The following PTPRG variants were observed in gnomAD, a reference collection of about 807,000 sequenced individuals.
PTPRG encodes the protein protein tyrosine phosphatase receptor type G.
In PTPRG, 102 loss-of-function variants were observed where a neutral mutation model predicts 165.3. The ratio of observed to expected loss-of-function variants is 0.62; its 90% CI spans 0.53 to 0.73. PTPRG has a LOEUF of 0.73. Ranked by LOEUF, PTPRG falls within the 30% of genes least tolerant of loss-of-function variation. The pLI is 0.00. For synonymous variants in PTPRG, 675 were observed against 669.5 expected (o/e 1.01, Z -0.13); for missense variants, 1,866 against 1,861.4 (o/e 1.00, Z -0.05).
Position 61,738,317 on chromosome 3 carries a change from T to TATAC in PTPRG, c.86-10558_86-10557insCATA, listed in dbSNP as rs1647441656. 3.8e-5 allele frequency among the ~76,000 whole-genome samples: 4 copies of TATAC among 104,874 alleles called. No individual in the cohort carries two copies. The South Asian group carries it at 1.3e-3, about 33-fold the overall frequency. 68.8% of individuals were successfully genotyped at this position (104,874 alleles called of 152,430 possible). A position where few individuals can be genotyped will look rare whatever the true frequency, so the allele number is the denominator to read the frequency against. ...ATATATATATATATATATATACATA[T>TATAC]ATATATATATATATATATATGTATA... On this transcript the variant is annotated intron_variant, in intron 1 of 29. Coordinates refer to ENST00000474889, the MANE Select transcript of PTPRG (RefSeq NM_002841.4).
At chr3:61,790,589 A>T (rs1295104074) in intron 2 of PTPRG, among the ~76,000 whole-genome samples, 1 of 152,222 alleles carries the variant, frequency 6.6e-6, no homozygotes. Context: ...TTATAGATGT[A>T]TACTTTCCCT....
At chr3:62,108,409 G>A (rs1276804477) in intron 5 of PTPRG, among the ~76,000 whole-genome samples, 1 of 152,196 alleles carries the variant, frequency 6.6e-6, no homozygotes, top group Non-Finnish European at 1.5e-5. Context: ...ATTCCATGGT[G>A]TATATGTACC....
intron 7 of PTPRG, among the ~76,000 whole-genome samples, chr3:62,163,119 C>T (rs567136735): frequency 3.5e-4 from 53 of 152,204 alleles, no homozygotes; most frequent in Non-Finnish European, 6.9e-4. Context: ...CTCACTGTCA[C>T]GGGAACAGCA....
At chr3:61,635,985 C>T (rs116298807) in intron 1 of PTPRG, among the ~76,000 whole-genome samples, 1 of 152,212 alleles carries the variant, frequency 6.6e-6, no homozygotes, top group African/African-American at 2.4e-5. Context: ...GTTAGATAGC[C>T]TCTGCTTGAA....
In PTPRG at chr3:61,781,936, TC is replaced by T. The variant is rs373681282; in HGVS notation, c.190+32957del. Among the ~76,000 whole-genome samples, 235 of 151,470 alleles carry T rather than the reference TC, an allele frequency of 1.6e-3. 1 individual carries two copies. Among genetic ancestry groups the T allele is most frequent in the African/African-American group, 4.4e-3 (180 of 41,268 alleles). ...GGTAGAGATGGGATACTACTATGTT[TC>T]CCAGGGTGGTCTTGAACTCCTGGGC... On this transcript the variant is annotated intron_variant, in intron 2 of 29. Transcript: ENST00000474889.
intron 21 of PTPRG, among the ~76,000 whole-genome samples, chr3:62,272,440 T>G (rs1258633843): frequency 6.6e-6 from 1 of 152,236 alleles, no homozygotes; most frequent in East Asian, 1.9e-4. Flanking sequence ...GAAAATGCAT[T>G]CTTGCCTCTT....
chr3:62,178,327 G>A (rs1216684129), intron 8 of PTPRG, among the ~76,000 whole-genome samples: 1 of 152,176 alleles, frequency 6.6e-6, no homozygotes, highest in Non-Finnish European at 1.5e-5. Flanking sequence ...TACATATCAG[G>A]TGGCCAGGAA....
intron 1 of PTPRG, among the ~76,000 whole-genome samples, chr3:61,614,418 CTTTT>C (rs550755163): frequency 8.5e-6 from 1 of 117,692 alleles, no homozygotes; most frequent in Non-Finnish European, 1.6e-5. Context: ...TTAATAATAC[CTTTT>C]TTTTTTTTTT....
At chr3:62,015,887 A>G (rs1237828362) in intron 4 of PTPRG, among the ~76,000 whole-genome samples, 11 of 152,220 alleles carry the variant, frequency 7.2e-5, no homozygotes, top group Admixed American at 7.2e-4. Flanking sequence ...TTGGTTTAAA[A>G]AAAGAACAAT....
intron 2 of PTPRG, among the ~76,000 whole-genome samples, chr3:61,823,379 C>G (rs148091053): frequency 2.0e-5 from 3 of 152,062 alleles, no homozygotes; most frequent in Non-Finnish European, 2.9e-5. Context: ...TTAGTAGAGA[C>G]GGGTTTCACC....
intron 2 of PTPRG, among the ~76,000 whole-genome samples, chr3:61,859,665 G>T (rs558641550): frequency 3.3e-5 from 5 of 151,246 alleles, no homozygotes; most frequent in Middle Eastern, 3.4e-3. Flanking sequence ...CAAGGAACTT[G>T]AGTTACAGAA....
chr3:61,901,053 T>C (rs2038487011), intron 2 of PTPRG, among the ~76,000 whole-genome samples: 1 of 152,204 alleles, frequency 6.6e-6, no homozygotes, highest in African/African-American at 2.4e-5. Flanking sequence ...GCGCTCTTAA[T>C]CTGCTGACAA....
chr3:61,616,548 C>T lies in PTPRG; in HGVS notation c.85+54176C>T, dbSNP rs1701302475. On this transcript the variant is annotated intron_variant, in intron 1 of 29. Transcript: ENST00000474889. Reference sequence around the variant, plus strand: ...GTGTTGGAATACTCTTCCGTGTAGACACTTCTCAACTCCCTCAAACACCAA... The same window carrying T: ...GTGTTGGAATACTCTTCCGTGTAGATACTTCTCAACTCCCTCAAACACCAA... 2.0e-5 allele frequency among the ~76,000 whole-genome samples: 3 copies of T among 152,102 alleles called. No homozygotes were observed. In the South Asian group the frequency reaches 6.2e-4, roughly 31 times the overall value.
intron 1 of PTPRG, among the ~76,000 whole-genome samples, chr3:61,694,761 A>AT (rs2106675052): frequency 6.6e-6 from 1 of 152,278 alleles, no homozygotes; most frequent in South Asian, 2.1e-4. Context: ...ATTTAGAATG[A>AT]TTTTCCATCT....
intron 6 of PTPRG, among the ~76,000 whole-genome samples, chr3:62,154,226 C>A (rs370998708): frequency 1.3e-5 from 2 of 152,154 alleles, no homozygotes; most frequent in African/African-American, 4.8e-5. Flanking sequence ...TGAACTAAGC[C>A]ACTGAACTGT....
At chr3:62,263,000 G>T in intron 17 of PTPRG, 106 bp downstream of exon 17, 1 of 796,918 alleles carries the variant, frequency 1.3e-6, no homozygotes, top group Non-Finnish European at 2.0e-6. Flanking sequence ...AAGAAAGAAT[G>T]ATTCTTGCAA....
At chr3:61,901,992 T>A (rs1462791285) in intron 2 of PTPRG, among the ~76,000 whole-genome samples, 2 of 152,222 alleles carry the variant, frequency 1.3e-5, no homozygotes, top group African/African-American at 4.8e-5. Flanking sequence ...TGTCTTGTAA[T>A]GAAACGTGGT....
Position 62,203,678 on chromosome 3 carries a change from C to T in PTPRG, c.1883C>T (p.Ser628Leu), listed in dbSNP as rs751593508. 12 of 1,566,996 alleles carry T rather than the reference C, an allele frequency of 7.7e-6. No homozygotes were observed. The highest frequency in any genetic ancestry group is 2.7e-5 in the African/African-American group (2 of 73,988). ...RNQTEPSPTPSSPNRTAEGGH... is the reference protein window; with the variant it reads ...RNQTEPSPTPLSPNRTAEGGH... Reference sequence around the variant, plus strand: ...CAGACGGAGCCCAGCCCCACACCCTCGTCTCCTAACAGGACTGCCGAGGGA... The same window carrying T: ...CAGACGGAGCCCAGCCCCACACCCTTGTCTCCTAACAGGACTGCCGAGGGA... Residue 628 changes from serine (S) to leucine (L), a missense_variant, in exon 12 of 30, where the codon TCG becomes TTG. Ser to Leu is a moderately radical substitution (Grantham distance 145). Around this residue, in one of 3 missense-constraint regions of PTPRG, gnomAD observed 1,452 missense variants for 1,463.0 expected, o/e 0.99. Coordinates refer to ENST00000474889, the MANE Select transcript of PTPRG (RefSeq NM_002841.4). The surrounding 1 kb of genome is among the most constrained non-coding windows in gnomAD (Gnocchi z 6.4).
intron 1 of PTPRG, among the ~76,000 whole-genome samples, chr3:61,686,872 A>G (rs1703649571): frequency 6.6e-6 from 1 of 152,182 alleles, no homozygotes. Context: ...ATACAGGATT[A>G]TCTTTAGCAT....
Sources: gnomAD v4.1 joint callset for allele counts (sites outside exome capture counted in the v4.1 genomes callset) on GRCh38, gnomAD v4.1.1 for gene constraint, gnomAD v4.1.1 regional missense constraint, Gnocchi (gnomAD v3.1) non-coding constraint, MANE v1.5 for transcripts, NCBI Gene and HGNC (gene_info 2026-07-23, HGNC 2026-07-21) for gene names.